Variants in CMSS1 observed in about 807,000 individuals in gnomAD.
CMSS1 encodes cms1 ribosomal small subunit homolog.
A neutral mutation model predicts 43.5 loss-of-function variants in CMSS1; 33 were observed. That is an observed-to-expected ratio of 0.76 (90% CI 0.57 to 1.01). The LOEUF is 1.01. Among genes scored for constraint, CMSS1 ranks in the 50% least tolerant of loss-of-function variants. CMSS1 has a pLI of 0.00. For synonymous variants in CMSS1, 115 were observed against 117.2 expected, an observed-to-expected ratio of 0.98 and a Z score of 0.12; for missense variants, 313 against 326.4, an observed-to-expected ratio of 0.96 and a Z score of 0.32.
chr3:100,129,293 A>G (rs1254997509), intron 1 of CMSS1, among the ~76,000 whole-genome samples: 1 of 152,210 alleles, frequency 6.6e-6, no homozygotes, highest in African/African-American at 2.4e-5. Context: ...TGAGGGATGA[A>G]TGAATGAATG....
chr3:99,881,540 T>TC (rs1188198028), intron 1 of CMSS1, among the ~76,000 whole-genome samples: 2 of 151,684 alleles, frequency 1.3e-5, no homozygotes, highest in African/African-American at 4.8e-5. Context: ...TCTCTCTCTT[T>TC]TTTTTTTTTT....
intron 1 of CMSS1, among the ~76,000 whole-genome samples, chr3:100,018,174 A>C (rs1234133817): frequency 6.6e-6 from 1 of 151,954 alleles, no homozygotes; most frequent in Non-Finnish European, 1.5e-5. Context: ...AAAAATACAA[A>C]AATTAGCCGG....
intron 1 of CMSS1, among the ~76,000 whole-genome samples, chr3:100,054,239 C>T (rs1051606266): frequency 1.3e-5 from 2 of 152,160 alleles, no homozygotes; most frequent in Non-Finnish European, 2.9e-5. Flanking sequence ...TCCCCCTTCC[C>T]TCTTGATATG....
At chr3:100,064,417 T>G (rs2065627367) in intron 1 of CMSS1, among the ~76,000 whole-genome samples, 1 of 152,022 alleles carries the variant, frequency 6.6e-6, no homozygotes, top group Non-Finnish European at 1.5e-5. Context: ...TTTTCAACAT[T>G]AAAGCCACTC....
chr3:100,049,522 A>G (rs758233839), intron 1 of CMSS1, among the ~76,000 whole-genome samples: 2 of 152,202 alleles, frequency 1.3e-5, no homozygotes, highest in Non-Finnish European at 2.9e-5. Flanking sequence ...AGTACAGAAA[A>G]TTAAAATAAT....
intron 1 of CMSS1, among the ~76,000 whole-genome samples, chr3:100,062,197 C>T (rs930027114): frequency 4.1e-5 from 6 of 148,052 alleles, no homozygotes; most frequent in African/African-American, 2.5e-5. Flanking sequence ...CTGCAAGCTC[C>T]GCCTCCCGGG....
intron 1 of CMSS1, chr3:100,115,079 A>G: frequency 1.1e-6 from 1 of 949,008 alleles, no homozygotes; most frequent in South Asian, 1.4e-5. Context: ...GATTGCTAAA[A>G]TTTGAAGCAT....
intron 4 of CMSS1, among the ~76,000 whole-genome samples, chr3:100,163,716 T>C (rs2067044580): frequency 6.6e-6 from 1 of 152,082 alleles, no homozygotes; most frequent in East Asian, 1.9e-4. Flanking sequence ...ACAACTAATT[T>C]TAATTAATTT....
At chr3:99,998,113 T>C (rs970545196) in intron 1 of CMSS1, among the ~76,000 whole-genome samples, 1 of 152,224 alleles carries the variant, frequency 6.6e-6, no homozygotes, top group African/African-American at 2.4e-5. Context: ...AAATTCAGAA[T>C]CATAGTGTAC....
intron 7 of CMSS1, 172 bp from the exon 8 acceptor site, chr3:100,172,144 A>AC: frequency 1.5e-6 from 1 of 655,278 alleles, no homozygotes; most frequent in Non-Finnish European, 2.6e-6. Flanking sequence ...TTCCTTGAAG[A>AC]TTACCAGTTT....
At position 99,817,939 on chromosome 3, in the gene CMSS1, C is replaced by T. The variant is rs1305250405; in HGVS notation, c.-41C>T. The T allele has an allele frequency of 1.2e-6, 2 of 1,606,034 alleles. No individual in the cohort carries two copies. The highest frequency in any genetic ancestry group is 1.7e-5 in the Admixed American group (1 of 59,998). The stretch of plus-strand genomic sequence containing the variant: ...CAACGTGATTCTCCGCAGCTGGTCG[C>T]CTACCCGTGATGTTCTGCCCACGTC... On this transcript the variant is annotated 5_prime_UTR_variant, in exon 1 of 10. Transcript: ENST00000421999.
At chr3:100,048,950 A>G (rs1009551070) in intron 1 of CMSS1, among the ~76,000 whole-genome samples, 1 of 152,248 alleles carries the variant, frequency 6.6e-6, no homozygotes, top group African/African-American at 2.4e-5. Context: ...TCATGGAATT[A>G]AAGTTACCAC....
At chr3:99,878,497 T>C (rs114686463) in intron 1 of CMSS1, among the ~76,000 whole-genome samples, 2,566 of 152,338 alleles carry the variant, frequency 0.017, 71 homozygotes, top group African/African-American at 0.058. Context: ...TCTACATAAA[T>C]AGTCTTGTCT....
rs759664886 is a variant in CMSS1 at position 100,025,627 on chromosome 3, C to G, written c.65-121346C>G. 26 of 152,116 alleles carry G rather than the reference C, an allele frequency of 1.7e-4. 1 individual carries two copies. Among genetic ancestry groups the G allele is most frequent in the Admixed American group, 7.2e-4 (11 of 15,262 alleles). 9.4% of individuals were successfully genotyped at this position (152,116 alleles called of 1,614,324 possible). On this transcript the variant is annotated intron_variant, in intron 1 of 9. Coordinates refer to ENST00000421999, the MANE Select transcript of CMSS1 (RefSeq NM_032359.4). ...GAGCTTCCTGGTAGACAAAGTGAAA[C>G]AAGTCTTTGGGTTCATGTTATTTCT...
At chr3:100,152,535 T>C (rs1462542263) in intron 2 of CMSS1, among the ~76,000 whole-genome samples, 1 of 152,164 alleles carries the variant, frequency 6.6e-6, no homozygotes, top group Non-Finnish European at 1.5e-5. Flanking sequence ...ACCCTTAATT[T>C]ATTTAAAGCG....
intron 1 of CMSS1, among the ~76,000 whole-genome samples, chr3:99,844,951 G>A (rs1014457630): frequency 3.3e-5 from 5 of 152,178 alleles, no homozygotes. Flanking sequence ...GAGGAATGGT[G>A]AGTCAATAAA....
At chr3:99,898,939 CA>C in intron 1 of CMSS1, among the ~76,000 whole-genome samples, 1 of 152,022 alleles carries the variant, frequency 6.6e-6, no homozygotes, top group Non-Finnish European at 1.5e-5. Context: ...AGCTTTATTT[CA>C]AACTACTCTC....
intron 5 of CMSS1, 41 bp downstream of exon 5, chr3:100,166,435 AT>A (rs1559777793): frequency 7.5e-7 from 1 of 1,340,992 alleles, no homozygotes; most frequent in East Asian, 2.3e-5. Flanking sequence ...ACTCATTCTT[AT>A]TTTGCTCTGG....
At chr3:99,855,117 ATTG>A (rs1943895586) in intron 1 of CMSS1, among the ~76,000 whole-genome samples, 1 of 152,108 alleles carries the variant, frequency 6.6e-6, no homozygotes, top group African/African-American at 2.4e-5. Context: ...AACTCTGCCA[ATTG>A]TTGTTCATTA....
Sources: gnomAD v4.1 joint callset for allele counts (sites outside exome capture counted in the v4.1 genomes callset) on GRCh38, gnomAD v4.1.1 for gene constraint, MANE v1.5 for transcripts, NCBI Gene and HGNC (gene_info 2026-07-23, HGNC 2026-07-21) for gene names.